Variants in STARD13 observed in about 807,000 individuals in gnomAD.
The protein encoded by STARD13 is stAR-related lipid transfer protein 13.
A neutral mutation model predicts 106.4 loss-of-function variants in STARD13; 62 were observed. That is an observed-to-expected ratio of 0.58 (90% CI 0.48 to 0.72). The LOEUF (loss-of-function observed/expected upper bound fraction) is 0.72, where lower values mean the gene tolerates loss of function less well. Among genes scored for constraint, STARD13 ranks in the 30% least tolerant of loss-of-function variants. STARD13 has a pLI of 0.00. For missense variants in STARD13, 1,387 were observed against 1,424.0 expected, an observed-to-expected ratio of 0.97 and a Z score of 0.42; for synonymous variants, 565 against 553.0, an observed-to-expected ratio of 1.02 and a Z score of -0.31.
the STARD13 span, among the ~76,000 whole-genome samples, chr13:33,384,397 G>A: frequency 6.6e-6 from 1 of 152,162 alleles, no homozygotes. Flanking sequence ...CCACTCAGTA[G>A]GGTTTGTTAA....
chr13:33,618,275 C>T, the STARD13 span, among the ~76,000 whole-genome samples: 1 of 152,156 alleles, frequency 6.6e-6, no homozygotes, highest in African/African-American at 2.4e-5. Context: ...TAACAACAAA[C>T]ATTTATTAAG....
chr13:33,538,368 T>C, the STARD13 span, among the ~76,000 whole-genome samples: 2,749 of 152,154 alleles, frequency 0.018, 82 homozygotes, highest in African/African-American at 0.063. Context: ...AGTCCACTGA[T>C]TGAGAAAATA....
chr13:33,412,726 C>T, the STARD13 span, among the ~76,000 whole-genome samples: 1 of 152,018 alleles, frequency 6.6e-6, no homozygotes, highest in Admixed American at 6.5e-5. Context: ...CATAGAGGGA[C>T]ACTATGTAAA....
At chr13:33,161,849 C>T (rs913390013) in intron 3 of STARD13, among the ~76,000 whole-genome samples, 1 of 152,100 alleles carries the variant, frequency 6.6e-6, no homozygotes, top group African/African-American at 2.4e-5. Flanking sequence ...GATAAAGGCC[C>T]TTCTTACATG....
At chr13:33,221,400 C>T (rs1888347262) in intron 1 of STARD13, among the ~76,000 whole-genome samples, 1 of 152,254 alleles carries the variant, frequency 6.6e-6, no homozygotes, top group African/African-American at 2.4e-5. Flanking sequence ...GCACGGTAAA[C>T]ATTTCCTTGC....
At chr13:33,603,985 C>T in the STARD13 span, among the ~76,000 whole-genome samples, 6 of 151,250 alleles carry the variant, frequency 4.0e-5, no homozygotes, top group Non-Finnish European at 5.9e-5. Context: ...AAAATAAAAC[C>T]CAAAGAAATA....
chr13:33,439,728 TA>T, the STARD13 span: 13 of 1,248,098 alleles, frequency 1.0e-5, no homozygotes, highest in African/African-American at 6.2e-5. Context: ...AGAGCACCTG[TA>T]AAAAAACAGT....
At chr13:33,376,113 C>T in the STARD13 span, among the ~76,000 whole-genome samples, 1 of 151,824 alleles carries the variant, frequency 6.6e-6, no homozygotes, top group Admixed American at 6.6e-5. Flanking sequence ...ATGGTTTTGA[C>T]CATATTACTT....
chr13:33,632,361 G>A, the STARD13 span, among the ~76,000 whole-genome samples: 1 of 152,160 alleles, frequency 6.6e-6, no homozygotes, highest in East Asian at 1.9e-4. Flanking sequence ...AGAACCTTGT[G>A]AATGAGTCTA....
chr13:33,182,915 T>C (rs797211), intron 1 of STARD13, among the ~76,000 whole-genome samples: 109,718 of 152,152 alleles, frequency 0.72, 40,091 homozygotes, highest in Non-Finnish European at 0.78. Flanking sequence ...CTGGCCTCTG[T>C]GTGCTTCTGG....
At chr13:33,556,912 C>T in the STARD13 span, among the ~76,000 whole-genome samples, 5 of 152,114 alleles carry the variant, frequency 3.3e-5, no homozygotes, top group African/African-American at 1.2e-4. Context: ...CACCATCATG[C>T]CTGGCTAATT....
At chr13:33,220,796 TATGTCATTA>T (rs1230656579) in intron 1 of STARD13, among the ~76,000 whole-genome samples, 1 of 152,262 alleles carries the variant, frequency 6.6e-6, no homozygotes, top group East Asian at 1.9e-4. Context: ...TGGATTACAC[TATGTCATTA>T]ATTGTTTCCA....
At chr13:33,116,843 A>AC (rs1013326938) in intron 8 of STARD13, among the ~76,000 whole-genome samples, 6 of 152,368 alleles carry the variant, frequency 3.9e-5, no homozygotes, top group African/African-American at 1.4e-4. Context: ...ATCTGTTTTC[A>AC]CAAGTGGTTC....
At chr13:33,452,357 AG>A in the STARD13 span, among the ~76,000 whole-genome samples, 11 of 152,190 alleles carry the variant, frequency 7.2e-5, no homozygotes, top group South Asian at 2.3e-3. Context: ...GGTGGGTGTC[AG>A]GGGAAACCTA....
At chr13:33,457,655 T>G in the STARD13 span, among the ~76,000 whole-genome samples, 1 of 152,188 alleles carries the variant, frequency 6.6e-6, no homozygotes, top group East Asian at 1.9e-4. Context: ...AGGATCAAGG[T>G]GCCAGCAGAA....
intron 1 of STARD13, among the ~76,000 whole-genome samples, chr13:33,258,782 G>C (rs1315535836): frequency 6.6e-6 from 1 of 152,186 alleles, no homozygotes; most frequent in Admixed American, 6.5e-5. Flanking sequence ...ACCTATCTAG[G>C]CCTTTGCTTC....
the STARD13 span, among the ~76,000 whole-genome samples, chr13:33,528,271 T>TATATATATATACATATATATATATAC: frequency 4.0e-4 from 51 of 127,238 alleles, no homozygotes; most frequent in East Asian, 1.5e-3. Flanking sequence ...TATATATATA[T>TATATATATATACATATATATATATAC]ATACTCTTTT....
rs1877724660 is a variant in STARD13 at position 33,129,133 on chromosome 13, T to A, written c.1544A>T (p.Asp515Val). ...TAAGCCAGGTTCCCCAACCAATGTATCATGAGTTTGCAGTTCAGGCAAGAC... is the reference window on the plus strand; with the variant it reads ...TAAGCCAGGTTCCCCAACCAATGTAACATGAGTTTGCAGTTCAGGCAAGAC... ...KDVLPELQTH[D>V]TLVGEPGLST... The change falls in exon 5 of 14, where the codon GAT (aspartate) becomes GTT (valine). Residue 515 changes from aspartate (D) to valine (V), a missense_variant. Physicochemically the swap from Asp to Val is radical, Grantham distance 152 (BLOSUM62 -3). Transcript: ENST00000336934. The A allele has an allele frequency of 6.2e-7, 1 of 1,614,178 alleles. No homozygotes were observed. The highest frequency in any genetic ancestry group is 8.5e-7 in the Non-Finnish European group (1 of 1,180,026).
intron 1 of STARD13, among the ~76,000 whole-genome samples, chr13:33,263,415 G>C (rs928781520): frequency 6.6e-6 from 1 of 152,104 alleles, no homozygotes; most frequent in Non-Finnish European, 1.5e-5. Flanking sequence ...AAGGATTCAG[G>C]AGCAGCAAAG....
Sources: allele counts gnomAD v4.1 joint callset (sites outside exome capture counted in the v4.1 genomes callset), GRCh38; gene constraint gnomAD v4.1.1; transcripts MANE v1.5; gene names NCBI Gene and HGNC (gene_info 2026-07-23, HGNC 2026-07-21).